The following DENND1A variants were observed in gnomAD, a reference collection of about 807,000 sequenced individuals.
DENND1A encodes the protein DENN domain-containing protein 1A.
Under a neutral mutation model 113.7 loss-of-function variants are expected in DENND1A, and 51 were observed. That is an observed-to-expected ratio of 0.45 (90% CI 0.36 to 0.57). The LOEUF is 0.57. Among genes scored for constraint, DENND1A ranks in the 20% least tolerant of loss-of-function variants. The probability of loss-of-function intolerance (pLI) is 0.00; values close to 1 mark genes in which losing one functional copy is unlikely to be tolerated. For synonymous variants in DENND1A, 565 were observed against 570.8 expected (o/e 0.99, Z 0.14); for missense variants, 1,258 against 1,395.9 (o/e 0.90, Z 1.57).
At chr9:123,596,985 A>G (rs2059723152) in intron 11 of DENND1A, among the ~76,000 whole-genome samples, 1 of 152,200 alleles carries the variant, frequency 6.6e-6, no homozygotes, top group African/African-American at 2.4e-5. Context: ...GCATCCATCC[A>G]AAGTGAAACA....
At chr9:123,902,172 C>T (rs866736734) in intron 1 of DENND1A, among the ~76,000 whole-genome samples, 1 of 123,260 alleles carries the variant, frequency 8.1e-6, no homozygotes, top group East Asian at 2.1e-4. Flanking sequence ...CACACACACA[C>T]ATACACACAC....
chr9:123,917,788 T>A (rs1356993084), intron 1 of DENND1A, among the ~76,000 whole-genome samples: 1 of 151,996 alleles, frequency 6.6e-6, no homozygotes, highest in Non-Finnish European at 1.5e-5. Flanking sequence ...CACTCTGTCA[T>A]ACCAAAAGGC....
At chr9:123,486,009 T>C (rs2050831104) in intron 13 of DENND1A, among the ~76,000 whole-genome samples, 2 of 152,296 alleles carry the variant, frequency 1.3e-5, no homozygotes, top group African/African-American at 2.4e-5. Flanking sequence ...GTGGCTGGCA[T>C]ACCCCGGGTG....
At chr9:123,398,486 T>TGCCTCA (rs2043250725) in intron 21 of DENND1A, among the ~76,000 whole-genome samples, 1 of 152,084 alleles carries the variant, frequency 6.6e-6, no homozygotes, top group South Asian at 2.1e-4. Context: ...GCCATTCTCC[T>TGCCTCA]GCCTCAGCCT....
intron 8 of DENND1A, among the ~76,000 whole-genome samples, chr9:123,662,293 G>T (rs1270782355): frequency 2.0e-5 from 3 of 152,214 alleles, no homozygotes; most frequent in Non-Finnish European, 4.4e-5. Context: ...AAAGAGGCTG[G>T]ACTCACACTT....
chr9:123,485,956 C>T (rs535325489), intron 13 of DENND1A, among the ~76,000 whole-genome samples: 1 of 152,318 alleles, frequency 6.6e-6, no homozygotes, highest in East Asian at 1.9e-4. Flanking sequence ...GGCCCATGGG[C>T]TCTGTGACTT....
chr9:123,444,785 A>C (rs1332676287), intron 18 of DENND1A, among the ~76,000 whole-genome samples: 1 of 152,252 alleles, frequency 6.6e-6, no homozygotes, highest in Non-Finnish European at 1.5e-5. Context: ...TTTCCTCAAT[A>C]AACATGAATT....
intron 1 of DENND1A, among the ~76,000 whole-genome samples, chr9:123,889,938 A>C (rs1849658214): frequency 6.6e-6 from 1 of 151,974 alleles, no homozygotes; most frequent in Non-Finnish European, 1.5e-5. Flanking sequence ...GCACCATTGC[A>C]CTCCAGCCTG....
At chr9:123,920,439 A>C (rs585432) in intron 1 of DENND1A, among the ~76,000 whole-genome samples, 114,744 of 152,036 alleles carry the variant, frequency 0.75, 44,440 homozygotes, top group East Asian at 0.93. Flanking sequence ...CACACACACA[A>C]AAAAAACACT....
intron 13 of DENND1A, chr9:123,493,012 C>T (rs943676807): frequency 6.6e-6 from 1 of 152,252 alleles, no homozygotes; most frequent in African/African-American, 2.4e-5. Flanking sequence ...TGAGGAACCC[C>T]TGCTGAGGCA....
chr9:123,517,979 A>T (rs1013593166), intron 13 of DENND1A, among the ~76,000 whole-genome samples: 5 of 152,100 alleles, frequency 3.3e-5, no homozygotes, highest in African/African-American at 1.2e-4. Flanking sequence ...TACTTTTATA[A>T]TCAGAAAAAA....
chr9:123,808,152 G>A (rs1023594544), intron 2 of DENND1A, among the ~76,000 whole-genome samples: 1 of 152,002 alleles, frequency 6.6e-6, no homozygotes, highest in South Asian at 2.1e-4. Context: ...CTTGAACTCG[G>A]GGGTCAGAGG....
rs569455422 is a variant in DENND1A, at chr9:123,597,448, G to A, written c.765+11988C>T. The stretch of plus-strand genomic sequence containing the variant: ...TATTACTTTGATTTGTCCTACCCAC[G>A]AGCCTAGGAGCCCTCACAGTCCTTA... On this transcript the variant is annotated intron_variant, in intron 11 of 23. Transcript: ENST00000394215. Among the ~76,000 whole-genome samples, 76 of 152,126 alleles carry A rather than the reference G, an allele frequency of 5.0e-4. 1 individual carries two copies. The highest frequency in any genetic ancestry group is 9.1e-4 in the Non-Finnish European group (62 of 68,034).
rs1209195233 is a variant in DENND1A, at chr9:123,539,831, C to T, written c.993+17739G>A. Among the ~76,000 whole-genome samples, 7 of 147,232 alleles carry T rather than the reference C, an allele frequency of 4.8e-5. No homozygotes were observed. The South Asian group carries it at 6.5e-4, about 14-fold the overall frequency. On this transcript the variant is annotated intron_variant, in intron 13 of 23. Coordinates refer to ENST00000394215, the MANE Select transcript of DENND1A (RefSeq NM_001352964.2). ...CCGGGAGGCAGAGCTTGCAGTGAGC[C>T]GAGATCGCGCCACTGCACTCCAGCC...
At chr9:123,569,240 G>C (rs371290604) in intron 12 of DENND1A, among the ~76,000 whole-genome samples, 1 of 152,154 alleles carries the variant, frequency 6.6e-6, no homozygotes, top group African/African-American at 2.4e-5. Flanking sequence ...CCAGTTAATT[G>C]AATTCGCTGG....
chr9:123,593,870 G>A (rs2059572646), intron 11 of DENND1A, among the ~76,000 whole-genome samples: 1 of 152,078 alleles, frequency 6.6e-6, no homozygotes, highest in South Asian at 2.1e-4. Flanking sequence ...GGATCGTGGG[G>A]GCTAATTTCC....
In DENND1A at chr9:123,574,189, T is replaced by G. The variant is rs1003192055; in HGVS notation, c.867+8980A>C. ...TGTAGTTGCCTTTTTTTTTTTTTTT[T>G]TTGTTTGTAAATTATTTATCTGGTT... On this transcript the variant is annotated intron_variant, in intron 12 of 23. Transcript: ENST00000394215. Among the ~76,000 whole-genome samples, 6 of 150,378 alleles carry G rather than the reference T, an allele frequency of 4.0e-5. No individual in the cohort carries two copies. The East Asian group carries it at 5.8e-4, about 15-fold the overall frequency.
At chr9:123,446,217 T>C (rs1008705189) in intron 18 of DENND1A, among the ~76,000 whole-genome samples, 1 of 152,204 alleles carries the variant, frequency 6.6e-6, no homozygotes, top group Non-Finnish European at 1.5e-5. Flanking sequence ...TACAGACTCG[T>C]GCCGCACCCT....
intron 5 of DENND1A, among the ~76,000 whole-genome samples, chr9:123,711,875 T>G (rs932452574): frequency 2.6e-5 from 4 of 152,196 alleles, no homozygotes; most frequent in Middle Eastern, 6.3e-3. Context: ...ACTAATGGTC[T>G]CTTCATTTTC....
Sources: gnomAD v4.1 joint callset for allele counts (sites outside exome capture counted in the v4.1 genomes callset) on GRCh38, gnomAD v4.1.1 for gene constraint, MANE v1.5 for transcripts, NCBI Gene and HGNC (gene_info 2026-07-23, HGNC 2026-07-21) for gene names.